ZNF415: variants seen among roughly 807,000 people sequenced by gnomAD.
ZNF415 encodes zinc finger protein 415.
A neutral mutation model predicts 7.3 loss-of-function variants in ZNF415; 5 were observed. The ratio of observed to expected loss-of-function variants is 0.69; its 90% CI spans 0.36 to 1.44. ZNF415 has a LOEUF of 1.44. Among genes scored for constraint, ZNF415 ranks in the 40% most tolerant of loss-of-function variants. ZNF415 has a pLI of 0.04. For missense variants in ZNF415, 628 were observed against 664.8 expected (o/e 0.94, Z 0.61); for synonymous variants, 207 against 226.3 (o/e 0.91, Z 0.77).
rs2085877048 is a variant in ZNF415, at chr19:53,109,341, T to A, written c.704A>T (p.Gln235Leu). Reference sequence around the variant, plus strand: ...TCCTTTCTCTCCAGAATGACTTACCTGACGTACAGTCATGTGTGAGCCATG... The same window carrying A: ...TCCTTTCTCTCCAGAATGACTTACCAGACGTACAGTCATGTGTGAGCCATG... The part of the protein sequence containing the change: ...LNHGSHMTVR[Q>L]VSHSGEKGYK... The change falls in exon 4 of 4, where the codon CAG (glutamine) becomes CTG (leucine). Residue 235 changes from glutamine to leucine, a missense_variant. Gln to Leu is a moderately radical substitution (Grantham distance 113, BLOSUM62 -2). Transcript: ENST00000243643. 1.1e-5 allele frequency: 17 copies of A among 1,614,200 alleles called. No homozygotes were observed. The highest frequency in any genetic ancestry group is 1.4e-5 in the Non-Finnish European group (16 of 1,180,022).
rs564490829 is a variant in ZNF415 at position 53,113,379 on chromosome 19, C to T, written c.136+2934G>A. On this transcript the variant is annotated intron_variant, in intron 3 of 3. Transcript: ENST00000243643. ...AAAATTAGCCGGGCATGGTGGCGCACGCCTGTAGTCCCAGCTACACGGGAG... is the reference window on the plus strand; with the variant it reads ...AAAATTAGCCGGGCATGGTGGCGCATGCCTGTAGTCCCAGCTACACGGGAG... Among the ~76,000 whole-genome samples the T allele has an allele frequency of 2.7e-3, 216 of 81,102 alleles. 71 individuals carry two copies. Among genetic ancestry groups the T allele is most frequent in the African/African-American group, 9.1e-3 (194 of 21,420 alleles). The allele number at this position is 81,102 out of a possible 152,430, so 53.2% of individuals were successfully genotyped here.
intron 3 of ZNF415, chr19:53,115,738 T>C (rs2086916854): frequency 6.4e-7 from 1 of 1,550,528 alleles, no homozygotes; most frequent in Non-Finnish European, 8.7e-7. Context: ...CCCACCCTTT[T>C]GGTTTTCTTG....
In ZNF415 at chr19:53,120,215, C is replaced by T. The variant is rs113570135; in HGVS notation, c.15+2447G>A. On this transcript the variant is annotated intron_variant, in intron 2 of 3. Coordinates refer to ENST00000243643, the MANE Select transcript of ZNF415 (RefSeq NM_018355.4). ...TCAAGGTAATAGACACTTCAAATAC[C>T]ATTACTTGATCATTACACATTCTAT... is the stretch of plus-strand genomic sequence containing the variant. 1.4e-3 allele frequency among the ~76,000 whole-genome samples: 214 copies of T among 152,082 alleles called. 1 individual carries two copies. The highest frequency in any genetic ancestry group is 4.6e-3 in the African/African-American group (191 of 41,484).
chr19:53,127,905 A>G (rs978085447), intron 1 of ZNF415, among the ~76,000 whole-genome samples: 18 of 151,866 alleles, frequency 1.2e-4, no homozygotes, highest in African/African-American at 4.4e-4. Context: ...AGAAAAAGAA[A>G]AAGATACTAG....
In ZNF415 at chr19:53,108,885, T is replaced by C. The variant is rs1467301764; in HGVS notation, c.1160A>G (p.Asn387Ser). 1.2e-6 allele frequency: 2 copies of C among 1,614,122 alleles called. No individual in the cohort carries two copies. The highest frequency in any genetic ancestry group is 1.7e-6 in the Non-Finnish European group (2 of 1,179,988). The change falls in exon 4 of 4, where the codon AAT becomes AGT. Residue 387 changes from asparagine to serine, a missense_variant. Asn to Ser is a conservative substitution (Grantham distance 46). Transcript: ENST00000243643. ...CTGACTGAAGACTTTACCACATTCA[T>C]TACACTTGTATGGTTTCTCCCCAGT... ...IHTGEKPYKCNECGKVFSQTS... is the reference protein window; with the variant it reads ...IHTGEKPYKCSECGKVFSQTS...
chr19:53,118,726 T>TA (rs879681403), intron 2 of ZNF415, among the ~76,000 whole-genome samples: 46 of 143,936 alleles, frequency 3.2e-4, no homozygotes, highest in Admixed American at 4.2e-4. Context: ...AGGGGGAAAT[T>TA]AAAAAAAAAA....
chr19:53,120,503 G>T (rs2087821732), intron 2 of ZNF415, among the ~76,000 whole-genome samples: 1 of 151,920 alleles, frequency 6.6e-6, no homozygotes, highest in Admixed American at 6.6e-5. Context: ...CCTGTGTGAG[G>T]GTGTAAGGCT....
Position 53,113,494 on chromosome 19 carries a change from G to A in ZNF415, c.136+2819C>T, listed in dbSNP as rs1213620953. On this transcript the variant is annotated intron_variant, in intron 3 of 3. Coordinates refer to ENST00000243643, the MANE Select transcript of ZNF415 (RefSeq NM_018355.4). ...TGCACTCCAGCCTGGGCGACAGAGC[G>A]AAACTCCGTCTCAAAAAAAAAAAAA... Among the ~76,000 whole-genome samples the A allele has an allele frequency of 4.7e-4, 8 of 17,126 alleles. 2 individuals carry two copies. Among genetic ancestry groups the A allele is most frequent in the South Asian group, 7.1e-3 (2 of 280 alleles). 11.2% of individuals were successfully genotyped at this position (17,126 alleles called of 152,430 possible). A position where few individuals can be genotyped will look rare whatever the true frequency, so the allele number is the denominator to read the frequency against.
rs186393670 is a variant in ZNF415, at chr19:53,109,184, A to G, written c.861T>C (p.Leu287=). ...CAGTGTGAACTCTCCGATGTAGTGC[A>G]AGGCATGAGTTGCGACTGAAACTTC... ...CDRSFSRNSC[L]ALHRRVHTGE... Residue 287 remains leucine, a synonymous_variant, in exon 4 of 4, where the codon CTT becomes CTC. Transcript: ENST00000243643. 21 of 1,614,086 alleles carry G rather than the reference A, an allele frequency of 1.3e-5. No homozygotes were observed. The East Asian group carries it at 4.5e-4, about 34-fold the overall frequency.
chr19:53,132,461 G>T (rs1023107769), intron 1 of ZNF415, among the ~76,000 whole-genome samples: 2 of 152,104 alleles, frequency 1.3e-5, no homozygotes, highest in Non-Finnish European at 2.9e-5. Context: ...ACAGGGGTGG[G>T]GTCTGCAGGA....
Position 53,108,368 on chromosome 19 carries a change from C to T in ZNF415, c.*9G>A, listed in dbSNP as rs746089986. 1.3e-6 allele frequency: 2 copies of T among 1,588,938 alleles called. No homozygotes were observed. Among genetic ancestry groups the T allele is most frequent in the African/African-American group, 1.4e-5 (1 of 74,010 alleles). On this transcript the variant is annotated 3_prime_UTR_variant, in exon 4 of 4. Transcript: ENST00000243643. ...CAGGATTTAAACTTTGACTGAAGAC[C>T]TTGCCATATTAATTTCTTTTATAAG...
chr19:53,111,350 T>TTC (rs1487996914), intron 3 of ZNF415, among the ~76,000 whole-genome samples: 1 of 148,674 alleles, frequency 6.7e-6, no homozygotes, highest in East Asian at 2.0e-4. Context: ...CTTTTTTTTT[T>TTC]TTTTTTTTTT....
intron 1 of ZNF415, 40 bp from the exon 2 acceptor site, chr19:53,122,783 A>C: frequency 6.8e-7 from 1 of 1,473,222 alleles, no homozygotes; most frequent in South Asian, 1.2e-5. Flanking sequence ...GCTTAGAAAC[A>C]ACACACCCCC....
chr19:53,111,204 C>T (rs1320555312), intron 3 of ZNF415, among the ~76,000 whole-genome samples: 1 of 152,060 alleles, frequency 6.6e-6, no homozygotes, highest in South Asian at 2.1e-4. Context: ...TTTTCTCTTG[C>T]CCTTTCCATC....
chr19:53,121,205 C>A (rs1445297545), intron 2 of ZNF415, among the ~76,000 whole-genome samples: 1 of 150,938 alleles, frequency 6.6e-6, no homozygotes, highest in African/African-American at 2.4e-5. Flanking sequence ...ACCAGCCTGG[C>A]CAACATAGTG....
chr19:53,108,907 C>T lies in ZNF415; in HGVS notation c.1138G>A (p.Gly380Arg). ...TCATTACACTTGTATGGTTTCTCCC[C>T]AGTGTGAATTCTCTGATGAGTTGCA... The part of the protein sequence containing the change: ...SLATHQRIHT[G>R]EKPYKCNECG... The change falls in exon 4 of 4, where the codon GGG (glycine) becomes AGG (arginine). Residue 380 changes from glycine (G) to arginine (R), a missense_variant. Gly to Arg is a moderately radical substitution (Grantham distance 125, BLOSUM62 -2). Transcript: ENST00000243643. 6.2e-7 allele frequency: 1 copy of T among 1,614,092 alleles called. No homozygotes were observed. The highest frequency in any genetic ancestry group is 8.5e-7 in the Non-Finnish European group (1 of 1,180,004).
At position 53,117,137 on chromosome 19, in the gene ZNF415, T is replaced by A. The variant is rs969073295; in HGVS notation, c.16-704A>T. ...CACATTATAGTCAAACTGTCAAAAGTCAAAGAAAAAGAAAGAGAATTCGGC... is the reference window on the plus strand; with the variant it reads ...CACATTATAGTCAAACTGTCAAAAGACAAAGAAAAAGAAAGAGAATTCGGC... On this transcript the variant is annotated intron_variant, in intron 2 of 3. Transcript: ENST00000243643. 4.6e-5 allele frequency among the ~76,000 whole-genome samples: 7 copies of A among 152,006 alleles called. 1 individual carries two copies. Among genetic ancestry groups the A allele is most frequent in the Admixed American group, 4.6e-4 (7 of 15,254 alleles).
chr19:53,116,566 G>GGTAT, intron 2 of ZNF415, 133 bp from the exon 3 acceptor site: 1 of 1,199,102 alleles, frequency 8.3e-7, no homozygotes, highest in Non-Finnish European at 1.2e-6. Flanking sequence ...TCCACACTAA[G>GGTAT]GTATTTTTGA....
intron 3 of ZNF415, among the ~76,000 whole-genome samples, chr19:53,114,457 C>T (rs576810473): frequency 1.4e-4 from 21 of 152,248 alleles, no homozygotes; most frequent in African/African-American, 3.9e-4. Flanking sequence ...CGTGAGCCAC[C>T]GCACCTGGTC....
Sources: gnomAD v4.1 joint callset for allele counts (sites outside exome capture counted in the v4.1 genomes callset) on GRCh38, gnomAD v4.1.1 for gene constraint, MANE v1.5 for transcripts, NCBI Gene and HGNC (gene_info 2026-07-23, HGNC 2026-07-21) for gene names.